Variants in NTM observed in about 807,000 individuals in gnomAD.
The protein encoded by NTM is neurotrimin.
NTM carries 13 observed loss-of-function variants against 42.1 expected under a neutral mutation model. The ratio of observed to expected loss-of-function variants is 0.31; its 90% CI spans 0.20 to 0.49. The LOEUF (loss-of-function observed/expected upper bound fraction) is 0.49, where lower values mean the gene tolerates loss of function less well. Among genes scored for constraint, NTM ranks in the 20% least tolerant of loss-of-function variants. NTM has a pLI of 0.99. For synonymous variants in NTM, 187 were observed against 179.2 expected, an observed-to-expected ratio of 1.04 and a Z score of -0.35; for missense variants, 373 against 452.8, an observed-to-expected ratio of 0.82 and a Z score of 1.60.
intron 2 of NTM, among the ~76,000 whole-genome samples, chr11:131,998,855 G>A (rs1482601340): frequency 6.6e-6 from 1 of 152,120 alleles, no homozygotes; most frequent in Non-Finnish European, 1.5e-5. Flanking sequence ...GTTATGCCTG[G>A]CAGAGAACCA....
intron 2 of NTM, among the ~76,000 whole-genome samples, chr11:131,921,450 G>A (rs1001927508): frequency 1.5e-4 from 23 of 152,284 alleles, no homozygotes; most frequent in African/African-American, 5.3e-4. Context: ...AAGTTTCAAA[G>A]GGAGTATGGC....
At chr11:131,953,880 T>C (rs1449786982) in intron 2 of NTM, among the ~76,000 whole-genome samples, 1 of 152,106 alleles carries the variant, frequency 6.6e-6, no homozygotes, top group Admixed American at 6.5e-5. Context: ...ATGAGGAGAA[T>C]GTAGACCTTT....
chr11:131,666,834 G>T (rs1014225839), intron 1 of NTM, among the ~76,000 whole-genome samples: 5 of 152,182 alleles, frequency 3.3e-5, no homozygotes, highest in African/African-American at 1.2e-4. Context: ...CAGGGAGGGG[G>T]GCATTCTTTT....
chr11:131,870,106 CTT>C (rs1488146370), intron 1 of NTM, among the ~76,000 whole-genome samples: 1 of 152,270 alleles, frequency 6.6e-6, no homozygotes, highest in Admixed American at 6.5e-5. Flanking sequence ...TGGCTCGAGT[CTT>C]TGCTTTTATC....
intron 2 of NTM, among the ~76,000 whole-genome samples, chr11:132,012,837 A>G (rs1940032): frequency 0.51 from 77,992 of 152,048 alleles, 20,646 homozygotes; most frequent in East Asian, 0.81. Context: ...GAGAGGATGC[A>G]GGAGCCATTC....
At chr11:131,604,155 G>A (rs2060721005) in intron 1 of NTM, among the ~76,000 whole-genome samples, 1 of 152,140 alleles carries the variant, frequency 6.6e-6, no homozygotes, top group South Asian at 2.1e-4. Context: ...CAGTGTGTGA[G>A]GGTTCCAATT....
intron 3 of NTM, among the ~76,000 whole-genome samples, chr11:132,197,994 A>G (rs1231139456): frequency 6.6e-6 from 1 of 152,060 alleles, no homozygotes; most frequent in Non-Finnish European, 1.5e-5. Flanking sequence ...CAAGATTTAT[A>G]TTCTTTTGGG....
intron 1 of NTM, among the ~76,000 whole-genome samples, chr11:131,495,674 G>A (rs1422795792): frequency 6.6e-6 from 1 of 152,212 alleles, no homozygotes; most frequent in African/African-American, 2.4e-5. Flanking sequence ...GTTGAGCAGG[G>A]TGTGGGTTGC....
At chr11:131,380,368 C>A (rs916919725) in intron 1 of NTM, among the ~76,000 whole-genome samples, 1 of 151,974 alleles carries the variant, frequency 6.6e-6, no homozygotes, top group Admixed American at 6.6e-5. Context: ...CCACCATGCC[C>A]AGCTAATTTT....
chr11:131,903,028 A>G (rs1427604173), intron 1 of NTM, among the ~76,000 whole-genome samples: 1 of 152,232 alleles, frequency 6.6e-6, no homozygotes, highest in African/African-American at 2.4e-5. Context: ...CATGAAGTCC[A>G]GAAGAAACAA....
intron 2 of NTM, among the ~76,000 whole-genome samples, chr11:132,031,328 G>A (rs751075637): frequency 1.3e-5 from 2 of 152,180 alleles, no homozygotes; most frequent in Non-Finnish European, 2.9e-5. Flanking sequence ...TTTTCAAAGA[G>A]TAACTCTGGG....
chr11:132,070,527 T>C (rs566779593), intron 2 of NTM, among the ~76,000 whole-genome samples: 30 of 114,262 alleles, frequency 2.6e-4, no homozygotes, highest in African/African-American at 1.0e-3. Context: ...CACAGCCAAG[T>C]TAACACGTCA....
Position 131,399,082 on chromosome 11 carries a change from C to T in NTM, c.82+28194C>T, listed in dbSNP as rs558102819. On this transcript the variant is annotated intron_variant, in intron 1 of 8. Transcript: ENST00000683400. The stretch of plus-strand genomic sequence containing the variant: ...CTTGGAGAGAAATGCATTGAAGCTG[C>T]CGACAACACTTCATGTGCATATGGA... Among the ~76,000 whole-genome samples the T allele has an allele frequency of 6.6e-4, 100 of 152,280 alleles. 2 individuals are homozygous for T. The South Asian group carries it at 0.02, about 30-fold the overall frequency.
intron 1 of NTM, among the ~76,000 whole-genome samples, chr11:131,850,198 G>T (rs1247870626): frequency 6.6e-6 from 1 of 152,100 alleles, no homozygotes; most frequent in Non-Finnish European, 1.5e-5. Flanking sequence ...GCAGCTTTGG[G>T]TGTTTGGGTT....
chr11:132,044,751 C>A (rs756458073), intron 2 of NTM, among the ~76,000 whole-genome samples: 4 of 151,978 alleles, frequency 2.6e-5, no homozygotes, highest in Non-Finnish European at 4.4e-5. Context: ...GAGACCACAG[C>A]GGGATGAAGG....
intron 3 of NTM, among the ~76,000 whole-genome samples, chr11:132,210,738 C>T (rs755855320): frequency 1.1e-4 from 16 of 152,202 alleles, no homozygotes; most frequent in Non-Finnish European, 1.8e-4. Context: ...GAAAGAAACG[C>T]ACACACATGC....
chr11:131,456,038 G>A (rs147113939), intron 1 of NTM, among the ~76,000 whole-genome samples: 87 of 152,318 alleles, frequency 5.7e-4, no homozygotes, highest in African/African-American at 2.0e-3. Context: ...TTGTGCCTAG[G>A]TTGCAAATTT....
chr11:131,430,072 T>C (rs139128784), intron 1 of NTM, among the ~76,000 whole-genome samples: 2 of 152,190 alleles, frequency 1.3e-5, no homozygotes, highest in South Asian at 4.1e-4. Flanking sequence ...TACCTATTTG[T>C]GGAGTGCCTG....
intron 1 of NTM, among the ~76,000 whole-genome samples, chr11:131,698,303 C>T (rs118089123): frequency 1.3e-5 from 2 of 152,158 alleles, no homozygotes; most frequent in Non-Finnish European, 2.9e-5. Context: ...AGTGCTCACA[C>T]ACTCACTACT....
Sources: gnomAD v4.1 joint callset for allele counts (sites outside exome capture counted in the v4.1 genomes callset) on GRCh38, gnomAD v4.1.1 for gene constraint, MANE v1.5 for transcripts, NCBI Gene and HGNC (gene_info 2026-07-23, HGNC 2026-07-21) for gene names.